The following CFAP54 variants were observed in gnomAD, a reference collection of about 807,000 sequenced individuals.
CFAP54 encodes the protein cilia and flagella associated protein 54, also known as cilia- and flagella-associated protein 54.
A neutral mutation model predicts 370.4 loss-of-function variants in CFAP54; 290 were observed. That is an observed-to-expected ratio of 0.78 (90% CI 0.71 to 0.86). The LOEUF (loss-of-function observed/expected upper bound fraction) is 0.86, where lower values mean the gene tolerates loss of function less well. Among genes scored for constraint, CFAP54 ranks in the 40% least tolerant of loss-of-function variants. The pLI is 0.00. For missense variants in CFAP54, 3,399 were observed against 3,528.7 expected (o/e 0.96, Z 0.93); for synonymous variants, 1,206 against 1,236.5 (o/e 0.98, Z 0.52).
chr12:96,694,447 C>T (rs1468544753), intron 45 of CFAP54, among the ~76,000 whole-genome samples: 1 of 151,988 alleles, frequency 6.6e-6, no homozygotes, highest in Admixed American at 6.6e-5. Context: ...TTCTGTACTT[C>T]CTCAACTCTA....
intron 48 of CFAP54, among the ~76,000 whole-genome samples, chr12:96,713,838 C>T (rs1957642312): frequency 1.3e-5 from 2 of 152,052 alleles, no homozygotes; most frequent in Admixed American, 6.6e-5. Context: ...TACCGAGACC[C>T]TGAGATGGGC....
chr12:96,793,203 C>T (rs1386377288), intron 63 of CFAP54, among the ~76,000 whole-genome samples: 3 of 152,144 alleles, frequency 2.0e-5, no homozygotes, highest in East Asian at 1.9e-4. Flanking sequence ...CCCTCTCCCC[C>T]GAGCCCCCAA....
chr12:96,755,101 C>G (rs1958238843), intron 56 of CFAP54, among the ~76,000 whole-genome samples: 3 of 152,134 alleles, frequency 2.0e-5, no homozygotes, highest in East Asian at 1.9e-4. Flanking sequence ...GCTGTGAGGG[C>G]CAGCGCATTT....
intron 3 of CFAP54, among the ~76,000 whole-genome samples, chr12:96,504,994 T>TTTTCTTTCTTTC (rs140087516): frequency 6.7e-6 from 1 of 148,916 alleles, no homozygotes; most frequent in Non-Finnish European, 1.5e-5. Context: ...TCTTCTTTCT[T>TTTTCTTTCTTTC]TTTCTTTCTT....
At chr12:96,764,644 T>A (rs1449958233) in intron 59 of CFAP54, among the ~76,000 whole-genome samples, 1 of 152,078 alleles carries the variant, frequency 6.6e-6, no homozygotes, top group African/African-American at 2.4e-5. Context: ...AAAAAAAAAT[T>A]ACATTATTTG....
intron 66 of CFAP54, among the ~76,000 whole-genome samples, chr12:96,850,918 C>T (rs1196303605): frequency 4.6e-5 from 7 of 152,186 alleles, no homozygotes; most frequent in African/African-American, 1.7e-4. Context: ...TCACCTCCCA[C>T]CAGTTCCCTT....
intron 15 of CFAP54, among the ~76,000 whole-genome samples, chr12:96,553,032 G>T (rs1489028695): frequency 6.6e-6 from 1 of 152,148 alleles, no homozygotes; most frequent in East Asian, 1.9e-4. Flanking sequence ...GTTGTTGTCA[G>T]CTGCCTCCTA....
At position 96,623,620 on chromosome 12, in the gene CFAP54, A is replaced by T. The variant is rs1489685781; in HGVS notation, c.3772-147A>T. Reference sequence around the variant, plus strand: ...TAGAGCACAATAACTGTTATTATTCATTGTTGTTAATTAATATTGTTATGT... The same window carrying T: ...TAGAGCACAATAACTGTTATTATTCTTTGTTGTTAATTAATATTGTTATGT... On this transcript the variant is annotated intron_variant, in intron 27 of 67. Coordinates refer to ENST00000524981, the MANE Select transcript of CFAP54 (RefSeq NM_001306084.2). The T allele has an allele frequency of 5.2e-6, 3 of 575,070 alleles. No individual in the cohort carries two copies. The East Asian group carries it at 8.6e-5, about 17-fold the overall frequency. 35.6% of individuals were successfully genotyped at this position (575,070 alleles called of 1,614,324 possible).
intron 34 of CFAP54, 87 bp downstream of exon 34, chr12:96,648,104 AC>A (rs1330913716): frequency 5.0e-5 from 46 of 926,590 alleles, no homozygotes; most frequent in Non-Finnish European, 6.6e-5. Context: ...TTGTGGACAC[AC>A]AAATGTATAC....
chr12:96,525,067 C>T (rs1449252497), intron 8 of CFAP54, among the ~76,000 whole-genome samples: 1 of 152,064 alleles, frequency 6.6e-6, no homozygotes, highest in African/African-American at 2.4e-5. Context: ...GCCAACTTGA[C>T]TTCCAAAATG....
intron 37 of CFAP54, 44 bp downstream of exon 37, chr12:96,658,149 G>GAA (rs372079822): frequency 0.13 from 167,006 of 1,320,966 alleles, 1,909 homozygotes; most frequent in South Asian, 0.22. Flanking sequence ...AGACTTCATT[G>GAA]AAAAAAAAAA....
At chr12:96,719,114 A>G (rs1957719547) in intron 49 of CFAP54, among the ~76,000 whole-genome samples, 1 of 152,010 alleles carries the variant, frequency 6.6e-6, no homozygotes. Context: ...ATCATTTCCC[A>G]ATAATAGTGA....
chr12:96,639,754 G>C lies in CFAP54; in HGVS notation c.4317-4424G>C, dbSNP rs888641111. Among the ~76,000 whole-genome samples, 3 of 152,126 alleles carry C rather than the reference G, an allele frequency of 2.0e-5. No individual in the cohort carries two copies. In the East Asian group the frequency reaches 5.8e-4, roughly 29 times the overall value. ...CCATGATCAAGTGGGCTTCATCCCT[G>C]GGATGCAAGGCTGGTTCAACATATG... On this transcript the variant is annotated intron_variant, in intron 32 of 67. Coordinates refer to ENST00000524981, the MANE Select transcript of CFAP54 (RefSeq NM_001306084.2).
At chr12:96,755,666 C>CTT (rs71758359) in intron 56 of CFAP54, among the ~76,000 whole-genome samples, 12 of 88,040 alleles carry the variant, frequency 1.4e-4, no homozygotes, top group Non-Finnish European at 2.0e-4. Flanking sequence ...TTCTTTTTTC[C>CTT]TTTTTTTTTT....
chr12:96,561,258 A>G (rs1240298144), intron 17 of CFAP54, among the ~76,000 whole-genome samples: 1 of 152,150 alleles, frequency 6.6e-6, no homozygotes, highest in Non-Finnish European at 1.5e-5. Flanking sequence ...ATAGTGAGTA[A>G]GTCTCACAAG....
At chr12:96,840,219 G>T (rs1475709704) in intron 66 of CFAP54, among the ~76,000 whole-genome samples, 1 of 152,192 alleles carries the variant, frequency 6.6e-6, no homozygotes, top group Non-Finnish European at 1.5e-5. Flanking sequence ...CAATTTTTTA[G>T]TGTGTTTAGA....
At chr12:96,551,815 A>G (rs928318312) in intron 15 of CFAP54, among the ~76,000 whole-genome samples, 2 of 152,234 alleles carry the variant, frequency 1.3e-5, no homozygotes, top group Non-Finnish European at 2.9e-5. Context: ...ACCTATGGTA[A>G]AAGATTAAAA....
chr12:96,554,233 A>G lies in CFAP54; in HGVS notation c.2206A>G (p.Ile736Val), dbSNP rs1955728044. The G allele has an allele frequency of 2.6e-6, 4 of 1,527,874 alleles. No homozygotes were observed. Among genetic ancestry groups the G allele is most frequent in the African/African-American group, 2.8e-5 (2 of 72,668 alleles). The allele number at this position is 1,527,874 out of a possible 1,614,324, so 94.6% of individuals were successfully genotyped here. ...TGCTTATAAACTTCTTGACAGAGCA[A>G]TCGGTGGAATAAATTTGAATTGCAT... ...LFAYKLLDRA[I>V]GGINLNCMLT... Residue 736 changes from isoleucine (I) to valine (V), a missense_variant, in exon 16 of 68, where the codon ATC (isoleucine) becomes GTC (valine). This residue lies in a region of CFAP54 where 2,796 missense variants were observed against 2,869.7 expected (regional missense o/e 0.97). Transcript: ENST00000524981.
intron 51 of CFAP54, among the ~76,000 whole-genome samples, chr12:96,741,398 G>C (rs1958049850): frequency 6.6e-6 from 1 of 152,056 alleles, no homozygotes; most frequent in Non-Finnish European, 1.5e-5. Context: ...CCTGACCTCA[G>C]GTTATTCACC....
Sources: gnomAD v4.1 joint callset for allele counts (sites outside exome capture counted in the v4.1 genomes callset) on GRCh38, gnomAD v4.1.1 for gene constraint, gnomAD v4.1.1 regional missense constraint, MANE v1.5 for transcripts, NCBI Gene and HGNC (gene_info 2026-07-23, HGNC 2026-07-21) for gene names.